Variants in CNTN5 observed in about 807,000 individuals in gnomAD.
The protein encoded by CNTN5 is contactin 5.
In CNTN5, 77 loss-of-function variants were observed where a neutral mutation model predicts 129.1. The observed-to-expected ratio is 0.60, with a 90% CI of 0.50 to 0.72. The LOEUF (loss-of-function observed/expected upper bound fraction) is 0.72, where lower values mean the gene tolerates loss of function less well. Among genes scored for constraint, CNTN5 ranks in the 30% least tolerant of loss-of-function variants. The pLI is 0.00. For missense variants in CNTN5, 1,478 were observed against 1,328.8 expected, an observed-to-expected ratio of 1.11 and a Z score of -1.75; for synonymous variants, 509 against 465.6, an observed-to-expected ratio of 1.09 and a Z score of -1.20.
chr11:100,146,576 A>G (rs1946857843), intron 13 of CNTN5, among the ~76,000 whole-genome samples: 2 of 152,172 alleles, frequency 1.3e-5, no homozygotes, highest in Admixed American at 1.3e-4. Context: ...GACAAATGAA[A>G]TAAGTATTAT....
At chr11:99,805,122 A>T (rs2135494934) in intron 3 of CNTN5, among the ~76,000 whole-genome samples, 1 of 152,310 alleles carries the variant, frequency 6.6e-6, no homozygotes, top group Non-Finnish European at 1.5e-5. Context: ...TAAAGGTTTG[A>T]AAGAATAAGT....
At chr11:100,207,060 A>T (rs1022523123) in intron 15 of CNTN5, among the ~76,000 whole-genome samples, 1 of 152,146 alleles carries the variant, frequency 6.6e-6, no homozygotes, top group East Asian at 1.9e-4. Context: ...TAATGTGTAC[A>T]GCATTAACCA....
chr11:100,191,726 TGATG>T (rs1273996715), intron 14 of CNTN5, among the ~76,000 whole-genome samples: 1 of 152,032 alleles, frequency 6.6e-6, no homozygotes, highest in African/African-American at 2.4e-5. Flanking sequence ...AGCTGTTTGT[TGATG>T]TCTGTATCAA....
intron 7 of CNTN5, among the ~76,000 whole-genome samples, chr11:99,927,041 T>G (rs2136058525): frequency 6.6e-6 from 1 of 152,336 alleles, no homozygotes; most frequent in Non-Finnish European, 1.5e-5. Context: ...AATTAGTCAT[T>G]ATTATGTGAT....
At chr11:99,324,168 C>A (rs748963549) in intron 1 of CNTN5, among the ~76,000 whole-genome samples, 6 of 152,028 alleles carry the variant, frequency 3.9e-5, no homozygotes, top group Non-Finnish European at 7.4e-5. Context: ...AGGTCAATAC[C>A]CTTTGGTAGT....
intron 3 of CNTN5, among the ~76,000 whole-genome samples, chr11:99,608,700 C>T (rs890031707): frequency 2.6e-5 from 4 of 152,154 alleles, no homozygotes; most frequent in African/African-American, 9.7e-5. Context: ...ACTTGTGTTG[C>T]TTAAGCCACT....
intron 13 of CNTN5, among the ~76,000 whole-genome samples, chr11:100,164,400 C>G (rs535950795): frequency 6.6e-6 from 1 of 151,802 alleles, no homozygotes; most frequent in South Asian, 2.1e-4. Context: ...AAAGAGATAG[C>G]TATATCTTTC....
intron 3 of CNTN5, among the ~76,000 whole-genome samples, chr11:99,700,160 C>A (rs1591498288): frequency 6.6e-6 from 1 of 151,366 alleles, no homozygotes; most frequent in Non-Finnish European, 1.5e-5. Flanking sequence ...TTAATTTCTT[C>A]TCTTTAAAAC....
At chr11:99,201,351 T>TTCCTTCCTTCCTTCCTTCC (rs59358470) in intron 1 of CNTN5, among the ~76,000 whole-genome samples, 6,383 of 88,128 alleles carry the variant, frequency 0.072, 694 homozygotes, top group East Asian at 0.22. Context: ...CTTCCTTTCC[T>TTCCTTCCTTCCTTCCTTCC]TTCCTTCCTT....
intron 1 of CNTN5, among the ~76,000 whole-genome samples, chr11:99,087,512 G>T (rs548699999): frequency 6.6e-6 from 1 of 152,260 alleles, no homozygotes; most frequent in Non-Finnish European, 1.5e-5. Flanking sequence ...AGAAACAATT[G>T]CAATGTTGCA....
intron 1 of CNTN5, among the ~76,000 whole-genome samples, chr11:99,248,724 C>A (rs1218515395): frequency 2.0e-5 from 3 of 152,112 alleles, no homozygotes; most frequent in South Asian, 2.1e-4. Flanking sequence ...AATAGGGAAT[C>A]CTTTCCCCAT....
intron 8 of CNTN5, among the ~76,000 whole-genome samples, chr11:99,984,497 T>G (rs1938550225): frequency 1.3e-5 from 2 of 148,794 alleles, no homozygotes; most frequent in East Asian, 1.9e-4. Context: ...GGTGATGATT[T>G]TTTTGTTTTT....
chr11:100,077,584 G>T (rs897507935), intron 13 of CNTN5, among the ~76,000 whole-genome samples: 1 of 152,038 alleles, frequency 6.6e-6, no homozygotes, highest in Non-Finnish European at 1.5e-5. Flanking sequence ...ACTTTGGGGG[G>T]CCAAGATGCG....
intron 18 of CNTN5, among the ~76,000 whole-genome samples, chr11:100,288,569 A>C (rs1172189142): frequency 6.6e-6 from 1 of 152,216 alleles, no homozygotes; most frequent in African/African-American, 2.4e-5. Context: ...ACGAGAACAA[A>C]GACACAACAT....
intron 13 of CNTN5, among the ~76,000 whole-genome samples, chr11:100,149,032 A>C (rs1374481804): frequency 6.6e-6 from 1 of 152,224 alleles, no homozygotes; most frequent in Non-Finnish European, 1.5e-5. Flanking sequence ...ACCAGGGGGC[A>C]GAATGTGCTG....
intron 1 of CNTN5, among the ~76,000 whole-genome samples, chr11:99,062,520 C>G (rs1293299605): frequency 6.6e-6 from 1 of 151,932 alleles, no homozygotes; most frequent in Non-Finnish European, 1.5e-5. Flanking sequence ...ATATAGGTCA[C>G]AAAAACTTCT....
At chr11:99,721,019 T>G (rs954604533) in intron 3 of CNTN5, among the ~76,000 whole-genome samples, 5 of 152,102 alleles carry the variant, frequency 3.3e-5, no homozygotes, top group African/African-American at 1.2e-4. Flanking sequence ...ACATCCTATT[T>G]TCATGGAAAG....
chr11:99,200,717 A>G (rs983734563), intron 1 of CNTN5, among the ~76,000 whole-genome samples: 2 of 152,224 alleles, frequency 1.3e-5, no homozygotes, highest in East Asian at 3.9e-4. Context: ...GAGCTGGTGC[A>G]TAAGGACTGC....
In CNTN5 at chr11:100,207,476, C is replaced by T. The variant is rs560105184; in HGVS notation, c.1884+13813C>T. On this transcript the variant is annotated intron_variant, in intron 15 of 24. Transcript: ENST00000524871. ...GATAAAATAATTTAGATTGCTTTAC[C>T]AGTGAAGATATAACATTACTAACTT... 1.1e-4 allele frequency among the ~76,000 whole-genome samples: 16 copies of T among 152,058 alleles called. 1 individual carries two copies. The South Asian group carries it at 3.3e-3, about 32-fold the overall frequency.
Sources: gnomAD v4.1 joint callset for allele counts (sites outside exome capture counted in the v4.1 genomes callset) on GRCh38, gnomAD v4.1.1 for gene constraint, MANE v1.5 for transcripts, NCBI Gene and HGNC (gene_info 2026-07-23, HGNC 2026-07-21) for gene names.